Variants in ANKFY1 observed in about 807,000 individuals in gnomAD.
The protein encoded by ANKFY1 is ankyrin repeat and FYVE domain containing 1.
In ANKFY1, 47 loss-of-function variants were observed where a neutral mutation model predicts 128.3. The observed-to-expected ratio is 0.37, with a 90% CI of 0.29 to 0.47. The LOEUF (loss-of-function observed/expected upper bound fraction) is 0.47. Among genes scored for constraint, ANKFY1 ranks in the 20% least tolerant of loss-of-function variants. ANKFY1 has a pLI of 1.00. For missense variants in ANKFY1, 1,222 were observed against 1,510.6 expected (o/e 0.81, Z 3.17); for synonymous variants, 553 against 601.6 (o/e 0.92, Z 1.18).
At chr17:4,203,827 CA>C (rs773865349) in intron 7 of ANKFY1, among the ~76,000 whole-genome samples, 30 of 77,828 alleles carry the variant, frequency 3.9e-4, no homozygotes, top group South Asian at 2.0e-3. Flanking sequence ...ACAACAACAA[CA>C]AAAAAAAAAA....
In ANKFY1 at chr17:4,205,603, G is replaced by A. The variant is rs545640954; in HGVS notation, c.898+718C>T. On this transcript the variant is annotated intron_variant, in intron 7 of 24. Coordinates refer to ENST00000341657, the MANE Select transcript of ANKFY1 (RefSeq NM_001330063.2). Reference sequence around the variant, plus strand: ...TAAAAATACAAAAAATTAGCTGGGCGTGGTGGTGGGCACCTGTAGTCCCAG... The same window carrying A: ...TAAAAATACAAAAAATTAGCTGGGCATGGTGGTGGGCACCTGTAGTCCCAG... Among the ~76,000 whole-genome samples the A allele has an allele frequency of 1.8e-4, 27 of 152,148 alleles. No homozygotes were observed. The South Asian group carries it at 5.0e-3, about 28-fold the overall frequency.
intron 1 of ANKFY1, among the ~76,000 whole-genome samples, chr17:4,247,640 C>T (rs1567976804): frequency 1.3e-5 from 2 of 152,166 alleles, no homozygotes; most frequent in African/African-American, 4.8e-5. Flanking sequence ...TGCTTACAAA[C>T]AGCAATGCAA....
intron 9 of ANKFY1, 45 bp downstream of exon 9, chr17:4,195,358 C>T (rs1482489855): frequency 1.9e-6 from 3 of 1,577,512 alleles, no homozygotes; most frequent in Non-Finnish European, 2.6e-6. Context: ...ACTCACAATC[C>T]CCCCTCACAA....
rs201117792 is a variant in ANKFY1 at position 4,206,466 on chromosome 17, T to A, written c.753A>T (p.Glu251Asp). ...ATGCCAGATCTCCGTTATGATCCGCTTCATTCAGCTTCCCAGGGAGCTACA... is the reference window on the plus strand; with the variant it reads ...ATGCCAGATCTCCGTTATGATCCGCATCATTCAGCTTCCCAGGGAGCTACA... Reference protein sequence around the residue: ...MDSQLPGKLNEADHNGDLALD... With the variant: ...MDSQLPGKLNDADHNGDLALD... The change falls in exon 7 of 25, where the codon GAA becomes GAT. Residue 251 changes from glutamate to aspartate, a missense_variant. Coordinates refer to ENST00000341657, the MANE Select transcript of ANKFY1 (RefSeq NM_001330063.2). The A allele has an allele frequency of 1.6e-4, 258 of 1,612,984 alleles. No homozygotes were observed. Among genetic ancestry groups the A allele is most frequent in the Non-Finnish European group, 2.1e-4 (243 of 1,179,118 alleles).
intron 12 of ANKFY1, 45 bp from the exon 13 acceptor site, chr17:4,183,955 TG>T (rs1598028983): frequency 2.0e-6 from 3 of 1,517,816 alleles, no homozygotes; most frequent in Middle Eastern, 1.7e-4. Flanking sequence ...TCACCATCTG[TG>T]GATCACACTT....
chr17:4,218,850 A>G (rs904154415), intron 3 of ANKFY1, among the ~76,000 whole-genome samples: 1 of 152,116 alleles, frequency 6.6e-6, no homozygotes, highest in African/African-American at 2.4e-5. Context: ...GCACTCCAGC[A>G]TGGGTGGCAG....
chr17:4,251,074 A>G (rs1967800934), intron 1 of ANKFY1, among the ~76,000 whole-genome samples: 1 of 152,238 alleles, frequency 6.6e-6, no homozygotes, highest in South Asian at 2.1e-4. Flanking sequence ...TCAAACTGGC[A>G]TCAAGATAGA....
At chr17:4,231,148 T>C (rs2060506197) in intron 3 of ANKFY1, among the ~76,000 whole-genome samples, 1 of 152,156 alleles carries the variant, frequency 6.6e-6, no homozygotes, top group Non-Finnish European at 1.5e-5. Flanking sequence ...TGTCCCTCAA[T>C]TTGGGTCTGA....
At chr17:4,204,082 T>C (rs1598069800) in intron 7 of ANKFY1, among the ~76,000 whole-genome samples, 1 of 152,304 alleles carries the variant, frequency 6.6e-6, no homozygotes, top group East Asian at 1.9e-4. Context: ...GGATGATCAC[T>C]GACTATTTTG....
intron 11 of ANKFY1, among the ~76,000 whole-genome samples, chr17:4,185,299 G>A (rs1265944115): frequency 6.6e-6 from 1 of 152,078 alleles, no homozygotes; most frequent in Middle Eastern, 3.4e-3. Context: ...TTTGCCTCCC[G>A]GGTTCAAGCG....
In ANKFY1 at chr17:4,206,372, C is replaced by T; in HGVS notation, c.847G>A (p.Asp283Asn). Reference protein sequence around the residue: ...TTLVSHKADVDMVDKSGWSLL... With the variant: ...TTLVSHKADVNMVDKSGWSLL... ...CTCCAGCCACTCTTGTCCACCATGT[C>T]CACATCAGCTTTGTGACTAACCAGC... Residue 283 changes from aspartate to asparagine, a missense_variant, in exon 7 of 25, where the codon GAC becomes AAC. Asp to Asn is a conservative substitution (Grantham distance 23). Coordinates refer to ENST00000341657, the MANE Select transcript of ANKFY1 (RefSeq NM_001330063.2). The T allele has an allele frequency of 6.2e-7, 1 of 1,614,222 alleles. No individual in the cohort carries two copies. Among genetic ancestry groups the T allele is most frequent in the Non-Finnish European group, 8.5e-7 (1 of 1,180,034 alleles).
intron 2 of ANKFY1, among the ~76,000 whole-genome samples, chr17:4,240,952 C>A (rs1057230999): frequency 6.6e-6 from 1 of 152,240 alleles, no homozygotes. Context: ...ATACCACTGT[C>A]TTTACCTATT....
At chr17:4,241,591 G>GCTGTATGACTCCAGAGTTCAA (rs1817416807) in intron 2 of ANKFY1, among the ~76,000 whole-genome samples, 1 of 151,918 alleles carries the variant, frequency 6.6e-6, no homozygotes, top group African/African-American at 2.4e-5. Context: ...TCTAACAGAA[G>GCTGTATGACTCCAGAGTTCAA]CTGTATGACT....
At position 4,169,142 on chromosome 17, in the gene ANKFY1, A is replaced by G; in HGVS notation, c.3377+56T>C. ...ACGGCCTGTCCTGGAGAAGGGGGGA[A>G]GCAATGACATCAGCGGCAGTCCCCT... On this transcript the variant is annotated intron_variant, in intron 24 of 24. Transcript: ENST00000341657. This position sits in a 1 kb window ranked among gnomAD's most constrained non-coding sequence, Gnocchi z 5.0. 6.8e-7 allele frequency: 1 copy of G among 1,464,958 alleles called. No homozygotes were observed. The highest frequency in any genetic ancestry group is 9.3e-7 in the Non-Finnish European group (1 of 1,069,758). The allele number at this position is 1,464,958 out of a possible 1,614,324, so 90.7% of individuals were successfully genotyped here.
In ANKFY1 at chr17:4,164,395, TC is replaced by T. The variant is rs1224893903; in HGVS notation, c.*3383del. 2 of 152,650 alleles carry T rather than the reference TC, an allele frequency of 1.3e-5. No individual in the cohort carries two copies. The highest frequency in any genetic ancestry group is 2.9e-5 in the Non-Finnish European group (2 of 68,044). 9.5% of individuals were successfully genotyped at this position (152,650 alleles called of 1,614,324 possible). ...GCCAGTCAGCTCTCACTAAAGTACT[TC>T]CACAGAGTGAGAAGGTGGCTCCCAA... On this transcript the variant is annotated 3_prime_UTR_variant, in exon 25 of 25. Transcript: ENST00000341657.
chr17:4,242,569 CTT>C lies in ANKFY1; in HGVS notation c.11-123_11-122del, dbSNP rs144056828. The C allele has an allele frequency of 4.5e-3, 3,798 of 845,872 alleles. 111 individuals carry two copies. The African/African-American group carries it at 0.058, about 13-fold the overall frequency. The allele number at this position is 845,872 out of a possible 1,614,324, so 52.4% of individuals were successfully genotyped here. ...TGACTGGCCACTTGACCGTTCCACT[CTT>C]TCTTAGTGATAGTCCTACAGGATCA... On this transcript the variant is annotated intron_variant, in intron 1 of 24. Transcript: ENST00000341657.
chr17:4,263,870 C>T (rs1968562123), intron 1 of ANKFY1, 62 bp downstream of exon 1: 5 of 1,613,136 alleles, frequency 3.1e-6, no homozygotes, highest in Middle Eastern at 1.7e-4. Flanking sequence ...GGCAGCTTCG[C>T]ACGGCCAGCA....
chr17:4,261,177 C>T (rs912133782), intron 1 of ANKFY1, among the ~76,000 whole-genome samples: 8 of 152,150 alleles, frequency 5.3e-5, no homozygotes, highest in African/African-American at 1.9e-4. Flanking sequence ...AAAGTTGGGA[C>T]ACAAAAGAGG....
intron 7 of ANKFY1, among the ~76,000 whole-genome samples, chr17:4,198,128 TTAA>T (rs1567935071): frequency 1.5e-5 from 2 of 136,772 alleles, no homozygotes; most frequent in Non-Finnish European, 1.6e-5. Flanking sequence ...AAACTCCGTC[TTAA>T]AAAAAAAAAA....
Sources: gnomAD v4.1 joint callset for allele counts (sites outside exome capture counted in the v4.1 genomes callset) on GRCh38, gnomAD v4.1.1 for gene constraint, Gnocchi (gnomAD v3.1) non-coding constraint, MANE v1.5 for transcripts, NCBI Gene and HGNC (gene_info 2026-07-23, HGNC 2026-07-21) for gene names.